SGCD: variants seen among roughly 807,000 people sequenced by gnomAD.
SGCD encodes sarcoglycan delta, also known as delta-sarcoglycan.
Under a neutral mutation model 36.6 loss-of-function variants are expected in SGCD, and 18 were observed. That is an observed-to-expected ratio of 0.49 (90% CI 0.34 to 0.73). The LOEUF (loss-of-function observed/expected upper bound fraction) is 0.73, where lower values mean the gene tolerates loss of function less well. SGCD is among the 30% of genes least tolerant of loss of function. The probability of loss-of-function intolerance (pLI) is 0.01; values close to 1 mark genes in which losing one functional copy is unlikely to be tolerated. For synonymous variants in SGCD, 133 were observed against 130.6 expected, an observed-to-expected ratio of 1.02 and a Z score of -0.12; for missense variants, 387 against 346.7, an observed-to-expected ratio of 1.12 and a Z score of -0.92.
At chr5:155,806,053 T>C in the SGCD span, among the ~76,000 whole-genome samples, 1 of 152,204 alleles carries the variant, frequency 6.6e-6, no homozygotes, top group Non-Finnish European at 1.5e-5. Context: ...CACTGATGTC[T>C]TGAGTGTGTT....
chr5:155,964,208 TGA>T (rs1757852854), intron 1 of SGCD, among the ~76,000 whole-genome samples: 2 of 152,150 alleles, frequency 1.3e-5, no homozygotes, highest in Non-Finnish European at 2.9e-5. Flanking sequence ...AAGAGAAAGA[TGA>T]GAAAAACACT....
At chr5:156,084,917 A>G (rs974604500) in intron 1 of SGCD, among the ~76,000 whole-genome samples, 4 of 152,194 alleles carry the variant, frequency 2.6e-5, no homozygotes, top group African/African-American at 7.2e-5. Context: ...CATTTGGACA[A>G]GTGCTTTTTA....
At chr5:156,480,830 A>G (rs1156229912) in intron 3 of SGCD, among the ~76,000 whole-genome samples, 1 of 152,164 alleles carries the variant, frequency 6.6e-6, no homozygotes, top group Admixed American at 6.5e-5. Context: ...AACGTGCTCA[A>G]TGGGTCTTAA....
At chr5:156,459,891 G>T (rs761723521) in intron 3 of SGCD, among the ~76,000 whole-genome samples, 7 of 152,268 alleles carry the variant, frequency 4.6e-5, no homozygotes, top group East Asian at 3.9e-4. Flanking sequence ...TTGGCTGAAA[G>T]ATTTCATGCT....
chr5:156,071,910 T>C (rs1417570147), intron 1 of SGCD, among the ~76,000 whole-genome samples: 1 of 152,130 alleles, frequency 6.6e-6, no homozygotes, highest in African/African-American at 2.4e-5. Context: ...CTTTTGATCT[T>C]TGTTGGTTTA....
At chr5:156,713,960 C>T (rs1755112107) in intron 7 of SGCD, among the ~76,000 whole-genome samples, 1 of 152,208 alleles carries the variant, frequency 6.6e-6, no homozygotes, top group East Asian at 1.9e-4. Flanking sequence ...GTATGAGTCC[C>T]AATTGTGTCA....
intron 3 of SGCD, among the ~76,000 whole-genome samples, chr5:156,295,763 C>T (rs1766876115): frequency 6.6e-6 from 1 of 152,172 alleles, no homozygotes; most frequent in Admixed American, 6.5e-5. Context: ...CCAATATTAG[C>T]TCTTATTTAA....
intron 5 of SGCD, among the ~76,000 whole-genome samples, chr5:156,593,053 T>A (rs1013267740): frequency 1.3e-5 from 2 of 152,214 alleles, no homozygotes; most frequent in Non-Finnish European, 2.9e-5. Flanking sequence ...TTTCTTTTTA[T>A]AAACACAATG....
the SGCD span, among the ~76,000 whole-genome samples, chr5:155,828,935 C>A: frequency 6.6e-6 from 1 of 152,088 alleles, no homozygotes; most frequent in East Asian, 1.9e-4. Context: ...GATCTGCCCA[C>A]CTCGGCCTCC....
intron 6 of SGCD, among the ~76,000 whole-genome samples, chr5:156,624,750 C>T (rs1437911274): frequency 3.9e-5 from 6 of 152,164 alleles, no homozygotes; most frequent in Non-Finnish European, 8.8e-5. Context: ...TTTCCTCATT[C>T]TCTCCTCATC....
the SGCD span, among the ~76,000 whole-genome samples, chr5:155,800,561 TG>T: frequency 1.3e-5 from 2 of 148,474 alleles, no homozygotes; most frequent in African/African-American, 5.0e-5. Flanking sequence ...AAGGTAAACT[TG>T]TTCTTTTGCC....
chr5:156,305,883 C>T (rs962564019), intron 3 of SGCD, among the ~76,000 whole-genome samples: 6 of 152,324 alleles, frequency 3.9e-5, no homozygotes, highest in East Asian at 1.9e-4. Context: ...TTTGACTGCC[C>T]TGCTGGATTT....
intron 5 of SGCD, among the ~76,000 whole-genome samples, chr5:156,593,085 T>G (rs1760787928): frequency 6.6e-6 from 1 of 152,164 alleles, no homozygotes; most frequent in African/African-American, 2.4e-5. Flanking sequence ...TTTCAAACTT[T>G]CTATAACATA....
chr5:155,916,256 T>A (rs941784684), intron 1 of SGCD, among the ~76,000 whole-genome samples: 15 of 152,134 alleles, frequency 9.9e-5, no homozygotes, highest in Non-Finnish European at 1.8e-4. Context: ...ATTTAATTAT[T>A]TGTAGCAAAA....
At chr5:156,388,444 C>G (rs1477990420) in intron 3 of SGCD, among the ~76,000 whole-genome samples, 1 of 152,164 alleles carries the variant, frequency 6.6e-6, no homozygotes, top group African/African-American at 2.4e-5. Context: ...AATCAAACGA[C>G]TATCAGATGT....
intron 3 of SGCD, among the ~76,000 whole-genome samples, chr5:156,352,228 G>A (rs1338523615): frequency 6.6e-6 from 1 of 152,216 alleles, no homozygotes; most frequent in Non-Finnish European, 1.5e-5. Context: ...GGAGTCATCA[G>A]TGGATGGCAT....
intron 3 of SGCD, among the ~76,000 whole-genome samples, chr5:156,409,061 G>T (rs935978893): frequency 1.3e-5 from 2 of 152,076 alleles, no homozygotes; most frequent in South Asian, 2.1e-4. Context: ...TATACTTAAC[G>T]CTTCTTCATT....
chr5:156,170,082 A>C (rs2127621731), intron 3 of SGCD, among the ~76,000 whole-genome samples: 1 of 152,330 alleles, frequency 6.6e-6, no homozygotes, highest in Non-Finnish European at 1.5e-5. Flanking sequence ...CAGGCCCTGA[A>C]GAAGCAGTAA....
intron 3 of SGCD, among the ~76,000 whole-genome samples, chr5:156,172,619 T>C (rs550423158): frequency 1.5e-3 from 228 of 152,320 alleles, no homozygotes; most frequent in African/African-American, 5.2e-3. Flanking sequence ...TTCTATCAAG[T>C]GAAATCCTTT....
Sources: allele counts gnomAD v4.1 joint callset (sites outside exome capture counted in the v4.1 genomes callset), GRCh38; gene constraint gnomAD v4.1.1; transcripts MANE v1.5; gene names NCBI Gene and HGNC (gene_info 2026-07-23, HGNC 2026-07-21).